SLC34A1: variants seen among roughly 807,000 people sequenced by gnomAD.
The protein encoded by SLC34A1 is sodium-dependent phosphate transport protein 2A.
SLC34A1 carries 57 observed loss-of-function variants against 51.4 expected under a neutral mutation model. The ratio of observed to expected loss-of-function variants is 1.11; its 90% CI spans 0.90 to 1.38. The LOEUF is 1.38. SLC34A1 is among the 40% of genes most tolerant of loss of function. The probability of loss-of-function intolerance (pLI) is 0.00; values close to 1 mark genes in which losing one functional copy is unlikely to be tolerated. For missense variants in SLC34A1, 796 were observed against 835.6 expected, an observed-to-expected ratio of 0.95 and a Z score of 0.58; for synonymous variants, 368 against 358.0, an observed-to-expected ratio of 1.03 and a Z score of -0.32.
chr5:177,393,552 C>T (rs1402924669), intron 8 of SLC34A1, 142 bp from the exon 9 acceptor site: 2 of 775,306 alleles, frequency 2.6e-6, no homozygotes, highest in Non-Finnish European at 4.5e-6. Context: ...AAGAGACAGG[C>T]TCAGAGAGGG....
chr5:177,393,192 G>A (rs1762860611), intron 8 of SLC34A1, among the ~76,000 whole-genome samples: 1 of 152,186 alleles, frequency 6.6e-6, no homozygotes, highest in Admixed American at 6.5e-5. Flanking sequence ...GGGCAGAAGA[G>A]ACGTGTGGGC....
intron 9 of SLC34A1, 72 bp downstream of exon 9, chr5:177,393,835 A>T: frequency 6.5e-7 from 1 of 1,534,938 alleles, no homozygotes; most frequent in Non-Finnish European, 9.0e-7. Context: ...GCAATCCCAC[A>T]CAGCCACTAT....
intron 10 of SLC34A1, among the ~76,000 whole-genome samples, chr5:177,394,493 A>T (rs1762898680): frequency 6.6e-6 from 1 of 152,198 alleles, no homozygotes; most frequent in African/African-American, 2.4e-5. Context: ...TGCCAGGTAT[A>T]CAGAGGTGAG....
intron 8 of SLC34A1, among the ~76,000 whole-genome samples, chr5:177,393,310 G>C (rs1459305247): frequency 6.6e-6 from 1 of 152,144 alleles, no homozygotes; most frequent in Non-Finnish European, 1.5e-5. Flanking sequence ...AGGATGCTGG[G>C]GAAGGGGCAC....
Position 177,396,798 on chromosome 5 carries a change from T to A in SLC34A1, c.1240T>A (p.Phe414Ile), listed in dbSNP as rs753937930. The change falls in exon 11 of 13, where the codon TTC becomes ATC. Residue 414 changes from phenylalanine to isoleucine, a missense_variant. Transcript: ENST00000324417. This position sits in a 1 kb window ranked among gnomAD's most constrained non-coding sequence, Gnocchi z 4.0. ...CATGGTGGTGGGCGCCAGCATGACCTTCGTGGTCCAGAGCAGTTCTGTGTT... is the reference window on the plus strand; with the variant it reads ...CATGGTGGTGGGCGCCAGCATGACCATCGTGGTCCAGAGCAGTTCTGTGTT... ...FAMVVGASMT[F>I]VVQSSSVFTS... The A allele has an allele frequency of 6.2e-7, 1 of 1,614,204 alleles. No homozygotes were observed. The highest frequency in any genetic ancestry group is 1.7e-5 in the Admixed American group (1 of 60,032).
chr5:177,392,440 G>T (rs1291288291), intron 8 of SLC34A1, among the ~76,000 whole-genome samples: 1 of 151,794 alleles, frequency 6.6e-6, no homozygotes, highest in African/African-American at 2.4e-5. Context: ...TCCAGACTGG[G>T]CAACAGAACA....
At position 177,396,505 on chromosome 5, in the gene SLC34A1, G is replaced by GCTCTGA. The variant is rs1561634574; in HGVS notation, c.1175-227_1175-226insTCTGAC. Among the ~76,000 whole-genome samples, 74 of 126,514 alleles carry GCTCTGA rather than the reference G, an allele frequency of 5.8e-4. No individual in the cohort carries two copies. Among genetic ancestry groups the GCTCTGA allele is most frequent in the Middle Eastern group, 4.7e-3 (1 of 212 alleles). 83.0% of individuals were successfully genotyped at this position (126,514 alleles called of 152,430 possible). On this transcript the variant is annotated intron_variant, in intron 10 of 12. Coordinates refer to ENST00000324417, the MANE Select transcript of SLC34A1 (RefSeq NM_003052.5). The surrounding 1 kb of genome is among the most constrained non-coding windows in gnomAD (Gnocchi z 4.0). ...GGAGGTCCTCTCTCCCAGTGCCCCC[G>GCTCTGA]CGGAGGTCCTCTCTCCCAGTGCCCC...
At position 177,386,621 on chromosome 5, in the gene SLC34A1, G is replaced by A; in HGVS notation, c.532+55G>A. 1 of 1,607,606 alleles carries A rather than the reference G, an allele frequency of 6.2e-7. No individual in the cohort carries two copies. The highest frequency in any genetic ancestry group is 8.5e-7 in the Non-Finnish European group (1 of 1,177,604). On this transcript the variant is annotated intron_variant, in intron 5 of 12. Coordinates refer to ENST00000324417, the MANE Select transcript of SLC34A1 (RefSeq NM_003052.5). This position sits in a 1 kb window ranked among gnomAD's most constrained non-coding sequence, Gnocchi z 4.8. ...CTTGGAGGGGCACCCCAGGAGCTGG[G>A]AAGGGTGGCAAATGGGGAGCGTGAC...
chr5:177,385,882 T>C (rs763474535), intron 2 of SLC34A1, 32 bp downstream of exon 2: 3 of 1,609,420 alleles, frequency 1.9e-6, no homozygotes, highest in South Asian at 1.1e-5. Context: ...TGGACCCTGG[T>C]TGCCCACGGT....
Position 177,398,341 on chromosome 5 carries a change from G to C in SLC34A1, c.*55G>C. The stretch of plus-strand genomic sequence containing the variant: ...GGGAAGGCCTGGGGTGGAAAGGCAG[G>C]GGAGGGAGGGTGTGTGTAGGTATGT... On this transcript the variant is annotated 3_prime_UTR_variant, in exon 13 of 13. Transcript: ENST00000324417. The surrounding 1 kb of genome is among the most constrained non-coding windows in gnomAD (Gnocchi z 4.7). 6.3e-7 allele frequency: 1 copy of C among 1,591,110 alleles called. No individual in the cohort carries two copies. The highest frequency in any genetic ancestry group is 1.1e-5 in the South Asian group (1 of 90,942).
Position 177,393,691 on chromosome 5 carries a change from T to C in SLC34A1, c.937-3T>C. 6.2e-7 allele frequency: 1 copy of C among 1,614,144 alleles called. No individual in the cohort carries two copies. Among genetic ancestry groups the C allele is most frequent in the East Asian group, 2.2e-5 (1 of 44,886 alleles). On this transcript the variant is annotated splice_region_variant and splice_polypyrimidine_tract_variant and intron_variant, in intron 8 of 12. Coordinates refer to ENST00000324417, the MANE Select transcript of SLC34A1 (RefSeq NM_003052.5). ...TCACTAAGTCACCCTCCTCCTGATC[T>C]AGGCTCCCACCTCCATGTCCAGAGC...
rs1335108058 is a variant in SLC34A1, at chr5:177,391,719, G to A, written c.937-1975G>A. On this transcript the variant is annotated intron_variant, in intron 8 of 12. Coordinates refer to ENST00000324417, the MANE Select transcript of SLC34A1 (RefSeq NM_003052.5). The stretch of plus-strand genomic sequence containing the variant: ...CCTGAACGGGCCCAGCGAGGGAGAG[G>A]GTCACTCCATATCAGAAGACAGTTT... Among the ~76,000 whole-genome samples the A allele has an allele frequency of 3.3e-5, 5 of 152,192 alleles. No homozygotes were observed. In the East Asian group the frequency reaches 9.6e-4, roughly 29 times the overall value.
chr5:177,396,621 C>T lies in SLC34A1; in HGVS notation c.1175-112C>T, dbSNP rs1762975696. On this transcript the variant is annotated intron_variant, in intron 10 of 12. Transcript: ENST00000324417. The surrounding 1 kb of genome is among the most constrained non-coding windows in gnomAD (Gnocchi z 4.0). The stretch of plus-strand genomic sequence containing the variant: ...TCTCTCCCAGTGCCCCCGCGGAGAT[C>T]CGCTCTCCCAGTGCCCCCGCGGAGG... 3 of 785,288 alleles carry T rather than the reference C, an allele frequency of 3.8e-6. No homozygotes were observed. Among genetic ancestry groups the T allele is most frequent in the Non-Finnish European group, 6.7e-6 (3 of 448,138 alleles). 48.6% of individuals were successfully genotyped at this position (785,288 alleles called of 1,614,324 possible). A position where few individuals can be genotyped will look rare whatever the true frequency, so the allele number is the denominator to read the frequency against.
chr5:177,394,125 C>T lies in SLC34A1; in HGVS notation c.1104C>T (p.Leu368=). ...SLVLLCTCLI[L]LVKMLNSLLK... ...TGCTGCTGTGCACCTGCCTCATCCT[C>T]CTAGTCAAGATGCTCAACTCCCTGC... The change falls in exon 10 of 13, where the codon CTC becomes CTT. Residue 368 remains leucine (L), a synonymous_variant. Transcript: ENST00000324417. 6.2e-7 allele frequency: 1 copy of T among 1,614,130 alleles called. No homozygotes were observed. The highest frequency in any genetic ancestry group is 8.5e-7 in the Non-Finnish European group (1 of 1,180,034).
At position 177,386,294 on chromosome 5, in the gene SLC34A1, C is replaced by T. The variant is rs748517113; in HGVS notation, c.333C>T (p.Leu111=). The change falls in exon 4 of 13, where the codon CTC becomes CTT. Residue 111 remains leucine (L), a synonymous_variant. Transcript: ENST00000324417. This position sits in a 1 kb window ranked among gnomAD's most constrained non-coding sequence, Gnocchi z 4.8. ...LLKVPLMLTF[L]YLFVCSLDML... is the part of the protein sequence containing the mutation. ...AGGTGCCACTGATGCTCACCTTCCT[C>T]TACCTCTTCGTCTGCTCCCTGGACA... 6 of 1,614,146 alleles carry T rather than the reference C, an allele frequency of 3.7e-6. No individual in the cohort carries two copies. In the South Asian group the frequency reaches 5.5e-5, roughly 15 times the overall value.
In SLC34A1 at chr5:177,398,603, C is replaced by G; in HGVS notation, c.*317C>G. 2.0e-6 allele frequency: 1 copy of G among 494,220 alleles called. No individual in the cohort carries two copies. 30.6% of individuals were successfully genotyped at this position (494,220 alleles called of 1,614,324 possible). A position where few individuals can be genotyped will look rare whatever the true frequency, so the allele number is the denominator to read the frequency against. On this transcript the variant is annotated 3_prime_UTR_variant, in exon 13 of 13. Transcript: ENST00000324417. The surrounding 1 kb of genome is among the most constrained non-coding windows in gnomAD (Gnocchi z 4.7). ...ATATCTGGGTATGATTTCAGGTCCT[C>G]TGCACGTGTACACATGACTAGGATA...
intron 8 of SLC34A1, chr5:177,389,616 C>T: frequency 2.0e-6 from 3 of 1,537,212 alleles, no homozygotes; most frequent in Non-Finnish European, 2.6e-6. Flanking sequence ...CTCTGACTCA[C>T]CACAAGCCTC....
chr5:177,394,032 C>G lies in SLC34A1; in HGVS notation c.1011C>G (p.Asn337Lys). Residue 337 changes from asparagine to lysine, a missense_variant, in exon 10 of 13, where the codon AAC becomes AAG. Coordinates refer to ENST00000324417, the MANE Select transcript of SLC34A1 (RefSeq NM_003052.5). The part of the protein sequence containing the change: ...TLGNATMEKC[N>K]HIFVDTGLPD... ...CAGGAGCTCCACCCCCTGCAGGCAA[C>G]CACATCTTTGTGGACACTGGCCTAC... is the stretch of plus-strand genomic sequence containing the variant. 6.2e-7 allele frequency: 1 copy of G among 1,614,056 alleles called. No individual in the cohort carries two copies. The highest frequency in any genetic ancestry group is 8.5e-7 in the Non-Finnish European group (1 of 1,180,042).
intron 12 of SLC34A1, 166 bp downstream of exon 12, chr5:177,397,240 C>T (rs913816423): frequency 1.4e-5 from 11 of 771,422 alleles, no homozygotes; most frequent in Non-Finnish European, 2.1e-5. Context: ...ATACCACCCT[C>T]GAGACCTTAG....
Sources: allele counts gnomAD v4.1 joint callset (sites outside exome capture counted in the v4.1 genomes callset), GRCh38; gene constraint gnomAD v4.1.1; non-coding constraint Gnocchi (gnomAD v3.1); transcripts MANE v1.5; gene names NCBI Gene and HGNC (gene_info 2026-07-23, HGNC 2026-07-21).